SLC35B4: variants seen among roughly 807,000 people sequenced by gnomAD.
SLC35B4 encodes nucleotide sugar transporter SLC35B4.
Under a neutral mutation model 39.5 loss-of-function variants are expected in SLC35B4, and 28 were observed. The ratio of observed to expected loss-of-function variants is 0.71; its 90% CI spans 0.53 to 0.97. The LOEUF is 0.97. Ranked by LOEUF, SLC35B4 falls within the 50% of genes least tolerant of loss-of-function variation. The pLI, the probability that SLC35B4 is intolerant of heterozygous loss-of-function variation, is 0.00. For missense variants in SLC35B4, 334 were observed against 414.3 expected, an observed-to-expected ratio of 0.81 and a Z score of 1.68; for synonymous variants, 145 against 150.4, an observed-to-expected ratio of 0.96 and a Z score of 0.26.
intron 7 of SLC35B4, 49 bp downstream of exon 7, chr7:134,300,103 T>G: frequency 7.6e-7 from 1 of 1,313,908 alleles, no homozygotes; most frequent in Non-Finnish European, 1.1e-6. Flanking sequence ...TGAAGTAACA[T>G]TTTACAACTT....
Position 134,301,816 on chromosome 7 carries a change from G to T in SLC35B4, c.432C>A (p.Ser144=). 1 of 1,613,958 alleles carries T rather than the reference G, an allele frequency of 6.2e-7. No individual in the cohort carries two copies. Among genetic ancestry groups the T allele is most frequent in the Non-Finnish European group, 8.5e-7 (1 of 1,179,928 alleles). The change falls in exon 6 of 10, where the codon TCC becomes TCA. Residue 144 remains serine (S), a synonymous_variant. Transcript: ENST00000378509. ...CTFMSAKQVT[S]QSSLSENDGF... ...CATCATTCTCACTCAAGCTGGACTG[G>T]GAAGTCTAGGAAATAAGAAAATAAA...
chr7:134,313,104 A>G (rs1029354840), intron 1 of SLC35B4, among the ~76,000 whole-genome samples: 1 of 152,326 alleles, frequency 6.6e-6, no homozygotes, highest in Non-Finnish European at 1.5e-5. Context: ...TTCGAAACAC[A>G]CTGTTGTATA....
upstream of SLC35B4, among the ~76,000 whole-genome samples, chr7:134,319,136 A>G (rs181361392): frequency 1.3e-5 from 2 of 152,286 alleles, no homozygotes; most frequent in Middle Eastern, 3.4e-3. Context: ...TGCTCAAAGA[A>G]ACTAACTTAT....
chr7:134,307,055 G>T (rs1158712590), intron 2 of SLC35B4, among the ~76,000 whole-genome samples: 1 of 152,120 alleles, frequency 6.6e-6, no homozygotes, highest in East Asian at 1.9e-4. Context: ...TTGATTCTTT[G>T]TAAATAATTT....
chr7:134,299,226 G>C lies in SLC35B4; in HGVS notation c.673+297C>G, dbSNP rs1337175683. On this transcript the variant is annotated intron_variant, in intron 8 of 9. Transcript: ENST00000378509. ...AGGGCTCCAGTCTCTGCAGTGTGCT[G>C]TAAGTATTCATTTGCATTCTCAAAA... The C allele has an allele frequency of 9.4e-6, 3 of 318,876 alleles. No individual in the cohort carries two copies. The South Asian group carries it at 1.0e-4, about 11-fold the overall frequency. 19.8% of individuals were successfully genotyped at this position (318,876 alleles called of 1,614,324 possible).
chr7:134,303,233 C>G (rs1012001610), intron 4 of SLC35B4, among the ~76,000 whole-genome samples: 1 of 152,104 alleles, frequency 6.6e-6, no homozygotes, highest in Non-Finnish European at 1.5e-5. Flanking sequence ...TAGATAGATG[C>G]AAGATGACAC....
chr7:134,308,430 A>C (rs1052334887), intron 2 of SLC35B4, among the ~76,000 whole-genome samples: 1 of 152,188 alleles, frequency 6.6e-6, no homozygotes, highest in African/African-American at 2.4e-5. Context: ...TGCAATATAA[A>C]TGCTGGTCTT....
chr7:134,316,515 C>T (rs1158695108), intron 1 of SLC35B4, among the ~76,000 whole-genome samples, 160 bp downstream of exon 1: 1 of 152,210 alleles, frequency 6.6e-6, no homozygotes, highest in African/African-American at 2.4e-5. Flanking sequence ...TCCCAGGCTG[C>T]CCAGACAGGA....
At position 134,290,307 on chromosome 7, in the gene SLC35B4, A is replaced by G. The variant is rs1337914581; in HGVS notation, c.*4526T>C. The G allele has an allele frequency of 6.6e-6, 1 of 152,174 alleles. No individual in the cohort carries two copies. The highest frequency in any genetic ancestry group is 1.5e-5 in the Non-Finnish European group (1 of 68,040). The allele number at this position is 152,174 out of a possible 1,614,324, so 9.4% of individuals were successfully genotyped here. A position where few individuals can be genotyped will look rare whatever the true frequency, so the allele number is the denominator to read the frequency against. ...CCTTCTCTTGCTTGGAATGTTAAAA[A>G]TGTTTCCCCTTATTTGCTTTCTTGC... is the stretch of plus-strand genomic sequence containing the variant. On this transcript the variant is annotated 3_prime_UTR_variant, in exon 10 of 10. Transcript: ENST00000378509.
chr7:134,294,847 T>G lies in SLC35B4; in HGVS notation c.982A>C (p.Ser328Arg). The change falls in exon 10 of 10, where the codon AGC becomes CGC. Residue 328 changes from serine (S) to arginine (R), a missense_variant. Ser to Arg is a moderately radical substitution (Grantham distance 110). Coordinates refer to ENST00000378509, the MANE Select transcript of SLC35B4 (RefSeq NM_032826.5). ...GTTKSEPQKD[S>R]KKN The stretch of plus-strand genomic sequence containing the variant: ...CCAGACAGGCCTCAGTTCTTCTTGC[T>G]GTCCTTCTGAGGCTCACTTTTTGTG... 6.2e-7 allele frequency: 1 copy of G among 1,614,122 alleles called. No homozygotes were observed. Among genetic ancestry groups the G allele is most frequent in the Non-Finnish European group, 8.5e-7 (1 of 1,179,998 alleles).
chr7:134,299,448 G>C, intron 8 of SLC35B4, 75 bp downstream of exon 8: 2 of 1,195,310 alleles, frequency 1.7e-6, no homozygotes, highest in African/African-American at 3.0e-5. Flanking sequence ...AAAAGGCCGA[G>C]GTCAAGTCAA....
chr7:134,309,727 G>A (rs552360669), intron 1 of SLC35B4, among the ~76,000 whole-genome samples: 1 of 152,280 alleles, frequency 6.6e-6, no homozygotes, highest in East Asian at 1.9e-4. Flanking sequence ...TTACTGTGAC[G>A]ACACACTTGT....
rs1803310631 is a variant in SLC35B4, at chr7:134,290,548, C to T, written c.*4285G>A. 1 of 152,236 alleles carries T rather than the reference C, an allele frequency of 6.6e-6. No individual in the cohort carries two copies. 9.4% of individuals were successfully genotyped at this position (152,236 alleles called of 1,614,324 possible). On this transcript the variant is annotated 3_prime_UTR_variant, in exon 10 of 10. Coordinates refer to ENST00000378509, the MANE Select transcript of SLC35B4 (RefSeq NM_032826.5). ...GGAAGAAGCTGCTAGAAAAAGACAA[C>T]ATGCTACTTTAAAGCCAAGAGGGGC...
upstream of SLC35B4, among the ~76,000 whole-genome samples, chr7:134,317,242 A>G (rs960309785): frequency 1.3e-5 from 2 of 152,222 alleles, no homozygotes; most frequent in African/African-American, 2.4e-5. Flanking sequence ...CACTAGAACT[A>G]CAGAGCTGTG....
upstream of SLC35B4, chr7:134,317,102 C>A: frequency 4.1e-6 from 1 of 244,438 alleles, no homozygotes; most frequent in Non-Finnish European, 7.9e-6. Context: ...CGGCATGACT[C>A]GCGCGATAGG....
intron 1 of SLC35B4, among the ~76,000 whole-genome samples, chr7:134,311,026 TAAGAC>T (rs988894083): frequency 5.9e-5 from 9 of 152,168 alleles, no homozygotes; most frequent in Non-Finnish European, 1.3e-4. Context: ...GGCACAAAAA[TAAGAC>T]AATACAGGCA....
At chr7:134,299,333 T>A in intron 8 of SLC35B4, 190 bp downstream of exon 8, 1 of 497,096 alleles carries the variant, frequency 2.0e-6, no homozygotes, top group Non-Finnish European at 3.6e-6. Flanking sequence ...TTACTTCATT[T>A]GTAAATAATT....
chr7:134,316,814 GGAA>G lies in SLC35B4; in HGVS notation c.-66_-64del. On this transcript the variant is annotated 5_prime_UTR_variant, in exon 1 of 10. Transcript: ENST00000378509. Reference sequence around the variant, plus strand: ...AGCGCCCGCCTGTACCGCTACCCCAGGAAGCCGGCCTCCTGCCTCTTCGCTGCG... The same window carrying G: ...AGCGCCCGCCTGTACCGCTACCCCAGGCCGGCCTCCTGCCTCTTCGCTGCG... The G allele has an allele frequency of 6.7e-7, 1 of 1,500,784 alleles. No homozygotes were observed. The highest frequency in any genetic ancestry group is 9.0e-7 in the Non-Finnish European group (1 of 1,109,286). 93.0% of individuals were successfully genotyped at this position (1,500,784 alleles called of 1,614,324 possible). A position where few individuals can be genotyped will look rare whatever the true frequency, so the allele number is the denominator to read the frequency against.
Position 134,290,178 on chromosome 7 carries a change from A to G in SLC35B4, c.*4655T>C, listed in dbSNP as rs1347590873. On this transcript the variant is annotated 3_prime_UTR_variant, in exon 10 of 10. Coordinates refer to ENST00000378509, the MANE Select transcript of SLC35B4 (RefSeq NM_032826.5). ...ATCAAATATGTAAGGTGCTAACTAC[A>G]TAATACTCTTCCCTTCTACCACCAG... 1 of 152,280 alleles carries G rather than the reference A, an allele frequency of 6.6e-6. No homozygotes were observed. 9.4% of individuals were successfully genotyped at this position (152,280 alleles called of 1,614,324 possible). A position where few individuals can be genotyped will look rare whatever the true frequency, so the allele number is the denominator to read the frequency against.
Sources: allele counts gnomAD v4.1 joint callset (sites outside exome capture counted in the v4.1 genomes callset), GRCh38; gene constraint gnomAD v4.1.1; transcripts MANE v1.5; gene names NCBI Gene and HGNC (gene_info 2026-07-23, HGNC 2026-07-21).